Variants in KSR1 observed in about 807,000 individuals in gnomAD.
KSR1 encodes kinase suppressor of ras 1.
Under a neutral mutation model 92.9 loss-of-function variants are expected in KSR1, and 35 were observed. That is an observed-to-expected ratio of 0.38 (90% CI 0.29 to 0.50). The LOEUF (loss-of-function observed/expected upper bound fraction) is 0.50, where lower values mean the gene tolerates loss of function less well. Ranked by LOEUF, KSR1 falls within the 20% of genes least tolerant of loss-of-function variation. The probability of loss-of-function intolerance (pLI) is 0.94; values close to 1 mark genes in which losing one functional copy is unlikely to be tolerated. For missense variants in KSR1, 972 were observed against 1,158.5 expected (o/e 0.84, Z 2.34); for synonymous variants, 467 against 472.6 (o/e 0.99, Z 0.15).
chr17:27,545,272 C>T (rs2071126260), intron 1 of KSR1, among the ~76,000 whole-genome samples: 1 of 152,238 alleles, frequency 6.6e-6, no homozygotes, highest in Admixed American at 6.5e-5. Context: ...GATGTTCAGA[C>T]CCCTGTCTCA....
chr17:27,575,598 G>A (rs1469678224), intron 2 of KSR1, among the ~76,000 whole-genome samples: 11 of 152,030 alleles, frequency 7.2e-5, no homozygotes, highest in Admixed American at 7.2e-4. Flanking sequence ...TGACTTCCTG[G>A]GGATGCAGCA....
At chr17:27,498,130 G>A (rs990150568) in intron 1 of KSR1, among the ~76,000 whole-genome samples, 7 of 152,072 alleles carry the variant, frequency 4.6e-5, no homozygotes, top group African/African-American at 1.7e-4. Flanking sequence ...AGGAGTTCGA[G>A]ACCAGCCTGG....
chr17:27,547,607 GTTTTT>G (rs1250118608), intron 1 of KSR1, among the ~76,000 whole-genome samples: 1 of 151,928 alleles, frequency 6.6e-6, no homozygotes, highest in African/African-American at 2.4e-5. Flanking sequence ...TCTATCACAG[GTTTTT>G]TTTGTTTTGT....
Position 27,487,585 on chromosome 17 carries a change from T to TA in KSR1, c.231+30711_231+30712insA, listed in dbSNP as rs1567755340. Among the ~76,000 whole-genome samples the TA allele has an allele frequency of 3.3e-3, 242 of 72,564 alleles. No individual in the cohort carries two copies. The East Asian group carries it at 0.054, about 16-fold the overall frequency. The allele number at this position is 72,564 out of a possible 152,430, so 47.6% of individuals were successfully genotyped here. A position where few individuals can be genotyped will look rare whatever the true frequency, so the allele number is the denominator to read the frequency against. On this transcript the variant is annotated intron_variant, in intron 1 of 20. Coordinates refer to ENST00000644974, the MANE Select transcript of KSR1 (RefSeq NM_001394583.1). ...GCAACGTGGTGAAACCCCATCTCTT[T>TA]TAAAAAAAAAAAAAAAAGGTTTATT...
At chr17:27,552,831 C>G (rs772907682) in intron 2 of KSR1, among the ~76,000 whole-genome samples, 13 of 152,212 alleles carry the variant, frequency 8.5e-5, no homozygotes, top group Non-Finnish European at 1.9e-4. Context: ...CTGAGAGCCT[C>G]TGGGTTCTTT....
intron 1 of KSR1, among the ~76,000 whole-genome samples, chr17:27,547,418 T>G (rs1458359296): frequency 6.6e-6 from 1 of 152,238 alleles, no homozygotes; most frequent in Non-Finnish European, 1.5e-5. Context: ...TCATTCCACT[T>G]GATTGTAGGC....
intron 3 of KSR1, among the ~76,000 whole-genome samples, chr17:27,580,520 C>T (rs994794637): frequency 2.6e-5 from 4 of 152,156 alleles, no homozygotes; most frequent in Admixed American, 1.3e-4. Flanking sequence ...ACAGCTGTTC[C>T]GCTCTAGGTT....
chr17:27,480,009 G>A (rs182427952), intron 1 of KSR1, among the ~76,000 whole-genome samples: 55 of 152,322 alleles, frequency 3.6e-4, no homozygotes, highest in Middle Eastern at 3.4e-3. Flanking sequence ...TCAGGGAAAA[G>A]TTTAATGATA....
chr17:27,496,419 G>A (rs949873294), intron 1 of KSR1, among the ~76,000 whole-genome samples: 4 of 152,086 alleles, frequency 2.6e-5, no homozygotes, highest in East Asian at 1.9e-4. Context: ...ATAATTTGCC[G>A]CCCCCTTTCT....
At chr17:27,518,687 A>T (rs555494102) in intron 1 of KSR1, among the ~76,000 whole-genome samples, 1 of 152,208 alleles carries the variant, frequency 6.6e-6, no homozygotes, top group Non-Finnish European at 1.5e-5. Context: ...AGGAGCAAGC[A>T]CTGTGTTGGC....
At chr17:27,546,523 C>T (rs1176740471) in intron 1 of KSR1, among the ~76,000 whole-genome samples, 2 of 152,130 alleles carry the variant, frequency 1.3e-5, no homozygotes, top group African/African-American at 4.8e-5. Flanking sequence ...GATAGTAACT[C>T]CATGATCAGG....
At chr17:27,549,700 C>G (rs1426300230) in intron 1 of KSR1, among the ~76,000 whole-genome samples, 1 of 152,146 alleles carries the variant, frequency 6.6e-6, no homozygotes, top group Non-Finnish European at 1.5e-5. Flanking sequence ...AGTCCAGGAC[C>G]CTGGCCAATA....
At chr17:27,611,151 C>G (rs1443503732) in intron 17 of KSR1, among the ~76,000 whole-genome samples, 2 of 152,186 alleles carry the variant, frequency 1.3e-5, no homozygotes, top group Non-Finnish European at 2.9e-5. Context: ...CTCAAACAAC[C>G]CTGTGACAAG....
chr17:27,586,126 G>A (rs1403548547), intron 5 of KSR1: 1 of 176,248 alleles, frequency 5.7e-6, no homozygotes, highest in Non-Finnish European at 1.2e-5. Flanking sequence ...AGGCAGAAAT[G>A]TAGCGCAGCT....
At chr17:27,467,257 A>G (rs1170319435) in intron 1 of KSR1, among the ~76,000 whole-genome samples, 1 of 152,226 alleles carries the variant, frequency 6.6e-6, no homozygotes, top group Admixed American at 6.5e-5. Flanking sequence ...ATCTGTTAGC[A>G]TAGGATAATT....
chr17:27,582,125 C>A (rs1251133479), intron 3 of KSR1, among the ~76,000 whole-genome samples: 1 of 152,164 alleles, frequency 6.6e-6, no homozygotes, highest in African/African-American at 2.4e-5. Flanking sequence ...ATTGCTCCCC[C>A]AAGACCTGCC....
chr17:27,487,546 C>T (rs34128475), intron 1 of KSR1, among the ~76,000 whole-genome samples: 9 of 148,242 alleles, frequency 6.1e-5, no homozygotes, highest in African/African-American at 1.8e-4. Context: ...GCCAGGAGTT[C>T]GAGACCAGCC....
intron 1 of KSR1, among the ~76,000 whole-genome samples, chr17:27,484,723 G>A (rs745546311): frequency 2.6e-5 from 4 of 152,208 alleles, no homozygotes; most frequent in Non-Finnish European, 5.9e-5. Flanking sequence ...GAAACAGCCT[G>A]CCTGCCTTGG....
At chr17:27,499,388 G>C (rs2150977327) in intron 1 of KSR1, among the ~76,000 whole-genome samples, 1 of 152,342 alleles carries the variant, frequency 6.6e-6, no homozygotes, top group African/African-American at 2.4e-5. Flanking sequence ...AAGTAGCTAA[G>C]AAGGGAGATC....
Sources: gnomAD v4.1 joint callset for allele counts (sites outside exome capture counted in the v4.1 genomes callset) on GRCh38, gnomAD v4.1.1 for gene constraint, MANE v1.5 for transcripts, NCBI Gene and HGNC (gene_info 2026-07-23, HGNC 2026-07-21) for gene names.